The following GPC5 variants were observed in gnomAD, a reference collection of about 807,000 sequenced individuals.
GPC5 encodes glypican 5.
A neutral mutation model predicts 53.9 loss-of-function variants in GPC5; 47 were observed. The observed-to-expected ratio is 0.87, with a 90% confidence interval of 0.69 to 1.11. The LOEUF (loss-of-function observed/expected upper bound fraction) is 1.11. Ranked by LOEUF, GPC5 falls within the 50% of genes most tolerant of loss-of-function variation. The pLI, the probability that GPC5 is intolerant of heterozygous loss-of-function variation, is 0.00. For missense variants in GPC5, 748 were observed against 713.1 expected, an observed-to-expected ratio of 1.05 and a Z score of -0.56; for synonymous variants, 286 against 263.3, an observed-to-expected ratio of 1.09 and a Z score of -0.84.
At position 92,803,347 on chromosome 13, in the gene GPC5, C is replaced by T. The variant is rs567801856; in HGVS notation, c.1562-62935C>T. ...TACAGATCTCAAAGCATAAATTCAC[C>T]AACCTCAAAAGACAGGGCCTACTTT... is the stretch of plus-strand genomic sequence containing the variant. On this transcript the variant is annotated intron_variant, in intron 7 of 7. Coordinates refer to ENST00000377067, the MANE Select transcript of GPC5 (RefSeq NM_004466.6). Among the ~76,000 whole-genome samples, 7 of 151,948 alleles carry T rather than the reference C, an allele frequency of 4.6e-5. No homozygotes were observed. The South Asian group carries it at 1.5e-3, about 32-fold the overall frequency.
intron 7 of GPC5, among the ~76,000 whole-genome samples, chr13:92,308,909 T>C (rs894897616): frequency 5.9e-5 from 9 of 152,114 alleles, no homozygotes; most frequent in African/African-American, 1.9e-4. Context: ...CATTCAAGCA[T>C]GGCCATGTGT....
chr13:91,896,427 A>C (rs1288400776), intron 5 of GPC5, among the ~76,000 whole-genome samples: 2 of 152,050 alleles, frequency 1.3e-5, no homozygotes, highest in Non-Finnish European at 2.9e-5. Context: ...CCCCTATTTT[A>C]AGACCCTTAA....
At chr13:91,833,470 C>T (rs1425716166) in intron 5 of GPC5, among the ~76,000 whole-genome samples, 1 of 152,168 alleles carries the variant, frequency 6.6e-6, no homozygotes, top group African/African-American at 2.4e-5. Context: ...GGGCCACTAT[C>T]CCTGATGAAC....
At chr13:92,354,655 ACACTGAATGAATTGGG>A (rs2043507786) in intron 7 of GPC5, among the ~76,000 whole-genome samples, 1 of 152,210 alleles carries the variant, frequency 6.6e-6, no homozygotes, top group Non-Finnish European at 1.5e-5. Context: ...AGAGTGCATA[ACACTGAATGAATTGGG>A]AAGCTACTGT....
chr13:92,262,579 T>A (rs7319639), intron 7 of GPC5, among the ~76,000 whole-genome samples: 2,427 of 152,282 alleles, frequency 0.016, 71 homozygotes, highest in African/African-American at 0.054. Context: ...CAGTGCATAC[T>A]TAATGTGTTC....
At chr13:91,660,976 C>T (rs1479152955) in intron 2 of GPC5, among the ~76,000 whole-genome samples, 2 of 152,114 alleles carry the variant, frequency 1.3e-5, no homozygotes, top group African/African-American at 4.8e-5. Context: ...ATTACTTGCT[C>T]TTGTGGAGCT....
chr13:92,204,177 A>T (rs2042315935), intron 7 of GPC5, among the ~76,000 whole-genome samples: 1 of 152,190 alleles, frequency 6.6e-6, no homozygotes, highest in Admixed American at 6.5e-5. Context: ...GAGGAAAATG[A>T]TCCTAGTGAG....
chr13:91,565,678 T>TA (rs2031495752), intron 2 of GPC5, among the ~76,000 whole-genome samples: 1 of 152,254 alleles, frequency 6.6e-6, no homozygotes, highest in Non-Finnish European at 1.5e-5. Context: ...TGTAACCGAC[T>TA]ATTAGTTATA....
chr13:91,921,257 C>A (rs1230366793), intron 6 of GPC5, among the ~76,000 whole-genome samples: 4 of 151,960 alleles, frequency 2.6e-5, no homozygotes. Context: ...TTCTGTAAAC[C>A]TTTTGTATAG....
intron 3 of GPC5, among the ~76,000 whole-genome samples, chr13:91,727,954 A>G (rs1216607902): frequency 1.3e-5 from 2 of 152,140 alleles, no homozygotes; most frequent in East Asian, 3.8e-4. Flanking sequence ...AATGGGGATA[A>G]ATTATTTTTT....
intron 3 of GPC5, among the ~76,000 whole-genome samples, chr13:91,694,666 A>G (rs1244781880): frequency 2.0e-5 from 3 of 152,238 alleles, no homozygotes; most frequent in African/African-American, 7.2e-5. Flanking sequence ...TGATGGTTCT[A>G]CTAAACATAT....
intron 7 of GPC5, among the ~76,000 whole-genome samples, chr13:92,305,053 T>C (rs957105716): frequency 6.6e-6 from 1 of 152,212 alleles, no homozygotes; most frequent in African/African-American, 2.4e-5. Flanking sequence ...CAAAGTTGTT[T>C]AAGAATAATT....
At chr13:92,350,037 T>C (rs1235941625) in intron 7 of GPC5, among the ~76,000 whole-genome samples, 1 of 152,188 alleles carries the variant, frequency 6.6e-6, no homozygotes, top group African/African-American at 2.4e-5. Context: ...TCATCCATCA[T>C]GATCAAGTGG....
At chr13:91,655,650 C>A (rs1408650898) in intron 2 of GPC5, among the ~76,000 whole-genome samples, 1 of 151,956 alleles carries the variant, frequency 6.6e-6, no homozygotes, top group East Asian at 1.9e-4. Context: ...AAGTTTTGAT[C>A]TTTATCACTT....
chr13:91,992,794 A>G (rs1000368388), intron 6 of GPC5, among the ~76,000 whole-genome samples: 1 of 152,156 alleles, frequency 6.6e-6, no homozygotes, highest in Non-Finnish European at 1.5e-5. Context: ...GTGCAATTAC[A>G]TATATATAAA....
chr13:91,857,874 A>G (rs2038984023), intron 5 of GPC5, among the ~76,000 whole-genome samples: 1 of 151,578 alleles, frequency 6.6e-6, no homozygotes, highest in African/African-American at 2.4e-5. Flanking sequence ...ATCTATTCAG[A>G]TCACTATATG....
intron 7 of GPC5, among the ~76,000 whole-genome samples, chr13:92,315,006 G>C (rs1022599964): frequency 2.0e-5 from 3 of 152,042 alleles, no homozygotes; most frequent in Non-Finnish European, 4.4e-5. Flanking sequence ...CGAACTCTTA[G>C]GCTCAAGTGA....
chr13:91,624,115 A>C (rs1015516586), intron 2 of GPC5, among the ~76,000 whole-genome samples: 15 of 152,142 alleles, frequency 9.9e-5, no homozygotes, highest in Admixed American at 7.2e-4. Flanking sequence ...AAAGAATGTA[A>C]ATTTCAAAAG....
At position 91,728,495 on chromosome 13, in the gene GPC5, G is replaced by A. The variant is rs202058290; in HGVS notation, c.1021-37G>A. On this transcript the variant is annotated intron_variant, in intron 3 of 7. Coordinates refer to ENST00000377067, the MANE Select transcript of GPC5 (RefSeq NM_004466.6). ...TCACATTCTCAGAAAGGTGGAGTACGATTTCTAACTACCTTTTAATGTTTT... is the reference window on the plus strand; with the variant it reads ...TCACATTCTCAGAAAGGTGGAGTACAATTTCTAACTACCTTTTAATGTTTT... 7.3e-5 allele frequency: 116 copies of A among 1,590,192 alleles called. No individual in the cohort carries two copies. In the Middle Eastern group the frequency reaches 8.4e-4, roughly 12 times the overall value.
Sources: allele counts gnomAD v4.1 joint callset (sites outside exome capture counted in the v4.1 genomes callset), GRCh38; gene constraint gnomAD v4.1.1; transcripts MANE v1.5; gene names NCBI Gene and HGNC (gene_info 2026-07-23, HGNC 2026-07-21).